The following CUX1 variants were observed in gnomAD, a reference collection of about 807,000 sequenced individuals.
The protein encoded by CUX1 is protein CASP.
In CUX1, 31 loss-of-function variants were observed where a neutral mutation model predicts 158.8. The ratio of observed to expected loss-of-function variants is 0.20; its 90% CI spans 0.15 to 0.26. The LOEUF (loss-of-function observed/expected upper bound fraction) is 0.26, where lower values mean the gene tolerates loss of function less well. Among genes scored for constraint, CUX1 ranks in the 10% least tolerant of loss-of-function variants. The probability of loss-of-function intolerance (pLI) is 1.00; values close to 1 mark genes in which losing one functional copy is unlikely to be tolerated. For missense variants in CUX1, 1,589 were observed against 2,014.6 expected (o/e 0.79, Z 4.04); for synonymous variants, 879 against 862.1 (o/e 1.02, Z -0.34).
intron 3 of CUX1, among the ~76,000 whole-genome samples, chr7:102,036,082 G>T (rs985250163): frequency 2.0e-5 from 3 of 151,954 alleles, no homozygotes; most frequent in Admixed American, 2.0e-4. Flanking sequence ...TATTACATTT[G>T]TGTAATCCCA....
At chr7:101,944,479 C>T (rs1038782995) in intron 2 of CUX1, among the ~76,000 whole-genome samples, 6 of 152,232 alleles carry the variant, frequency 3.9e-5, no homozygotes, top group Admixed American at 1.3e-4. Flanking sequence ...GCATGCTCCT[C>T]CGTGACTGTT....
At chr7:101,829,907 C>G (rs934313870) in intron 1 of CUX1, among the ~76,000 whole-genome samples, 1 of 152,166 alleles carries the variant, frequency 6.6e-6, no homozygotes, top group Non-Finnish European at 1.5e-5. Flanking sequence ...CTCAGATGCC[C>G]CATCCTTGCC....
intron 4 of CUX1, among the ~76,000 whole-genome samples, chr7:102,083,765 G>A (rs1827684576): frequency 6.8e-6 from 1 of 146,742 alleles, no homozygotes; most frequent in Non-Finnish European, 1.5e-5. Context: ...ATTTCTCTGA[G>A]CAGTATTTTA....
chr7:102,100,151 G>A (rs1049236625), intron 5 of CUX1, among the ~76,000 whole-genome samples: 4 of 152,078 alleles, frequency 2.6e-5, no homozygotes, highest in Admixed American at 6.6e-5. Context: ...GGTTGGGCAC[G>A]CCTGTAATCC....
intron 15 of CUX1, 40 bp downstream of exon 15, chr7:102,197,345 G>A (rs371095579): frequency 5.6e-5 from 89 of 1,592,016 alleles, no homozygotes; most frequent in African/African-American, 3.2e-4. Flanking sequence ...GTGCGAGCCC[G>A]TCACAGAGTT....
At chr7:102,279,215 C>A (rs1419212788) in intron 18 of CUX1, among the ~76,000 whole-genome samples, 1 of 152,108 alleles carries the variant, frequency 6.6e-6, no homozygotes, top group Non-Finnish European at 1.5e-5. Flanking sequence ...GTGTCATGCA[C>A]CTGTAATCCC....
At chr7:101,954,683 T>C (rs1809545621) in intron 2 of CUX1, among the ~76,000 whole-genome samples, 1 of 152,032 alleles carries the variant, frequency 6.6e-6, no homozygotes, top group Non-Finnish European at 1.5e-5. Context: ...CCATTGCCCA[T>C]GGTAGCGATG....
chr7:101,839,284 G>A (rs1794956625), intron 1 of CUX1, among the ~76,000 whole-genome samples: 1 of 152,156 alleles, frequency 6.6e-6, no homozygotes, highest in Non-Finnish European at 1.5e-5. Flanking sequence ...ACCCTCGGTG[G>A]TATCTGACCC....
intron 8 of CUX1, among the ~76,000 whole-genome samples, chr7:102,155,743 C>T (rs749049245): frequency 1.6e-4 from 24 of 152,004 alleles, no homozygotes; most frequent in Non-Finnish European, 1.0e-4. Flanking sequence ...TTTTTAATTA[C>T]CATTTGTAGT....
At chr7:102,046,934 T>C (rs1156559803) in intron 3 of CUX1, among the ~76,000 whole-genome samples, 1 of 152,156 alleles carries the variant, frequency 6.6e-6, no homozygotes, top group African/African-American at 2.4e-5. Flanking sequence ...GAGGCCACAC[T>C]GGGAGAGTCG....
chr7:101,993,015 T>C (rs1250549875), intron 2 of CUX1, among the ~76,000 whole-genome samples: 2 of 151,806 alleles, frequency 1.3e-5, no homozygotes, highest in Non-Finnish European at 2.9e-5. Flanking sequence ...GGCGGGAGGG[T>C]CCACTCTTTG....
At chr7:102,033,054 G>A (rs553763132) in intron 3 of CUX1, among the ~76,000 whole-genome samples, 2 of 152,298 alleles carry the variant, frequency 1.3e-5, no homozygotes, top group African/African-American at 2.4e-5. Flanking sequence ...TGGTAGTGGG[G>A]GACAAGTGTC....
At chr7:102,142,576 G>C (rs782793632) in intron 8 of CUX1, among the ~76,000 whole-genome samples, 1 of 151,764 alleles carries the variant, frequency 6.6e-6, no homozygotes, top group Non-Finnish European at 1.5e-5. Context: ...AGTGAGCCAT[G>C]ATAGTACCAC....
chr7:101,913,449 CTT>C, intron 1 of CUX1: 1 of 1,224,258 alleles, frequency 8.2e-7, no homozygotes, highest in South Asian at 1.3e-5. Context: ...GTGGGTTCAC[CTT>C]GCACCGGGCC....
At chr7:101,851,619 G>A (rs965777895) in intron 1 of CUX1, among the ~76,000 whole-genome samples, 2 of 152,148 alleles carry the variant, frequency 1.3e-5, no homozygotes, top group African/African-American at 2.4e-5. Flanking sequence ...TCTAGCATCC[G>A]TCAAGGGCGT....
rs191987760 is a variant in CUX1, at chr7:101,865,796, C to A, written c.30+48127C>A. ...ATGGTTTGTTGAGTGAAAGCAGGCA[C>A]AATGGTAGGTAGTGGGTACTGGAGC... On this transcript the variant is annotated intron_variant, in intron 1 of 23. Coordinates refer to ENST00000292535, the MANE Select transcript of CUX1 (RefSeq NM_181552.4). 7.2e-5 allele frequency among the ~76,000 whole-genome samples: 11 copies of A among 152,296 alleles called. No homozygotes were observed. In the East Asian group the frequency reaches 2.1e-3, roughly 30 times the overall value.
chr7:102,211,020 A>G (rs1796455852), intron 20 of CUX1, among the ~76,000 whole-genome samples: 1 of 152,220 alleles, frequency 6.6e-6, no homozygotes, highest in Non-Finnish European at 1.5e-5. Flanking sequence ...ATTCTAAAGC[A>G]GTGTCCTTGA....
intron 3 of CUX1, among the ~76,000 whole-genome samples, chr7:102,045,016 A>G (rs1018732742): frequency 6.6e-6 from 1 of 152,122 alleles, no homozygotes; most frequent in African/African-American, 2.4e-5. Context: ...CAGTGGTGTT[A>G]GCCGTGGTGG....
chr7:101,893,145 T>A lies in CUX1; in HGVS notation c.31-22970T>A, dbSNP rs1245337855. Among the ~76,000 whole-genome samples the A allele has an allele frequency of 5.5e-5, 8 of 146,744 alleles. No homozygotes were observed. In the East Asian group the frequency reaches 1.0e-3, roughly 19 times the overall value. ...CCTAATTTCTATTTTCTTTTTACTTTTTATTTTTATTACTTTTTTTTTTTT... is the reference window on the plus strand; with the variant it reads ...CCTAATTTCTATTTTCTTTTTACTTATTATTTTTATTACTTTTTTTTTTTT... On this transcript the variant is annotated intron_variant, in intron 1 of 23. Transcript: ENST00000292535.
Sources: gnomAD v4.1 joint callset for allele counts (sites outside exome capture counted in the v4.1 genomes callset) on GRCh38, gnomAD v4.1.1 for gene constraint, MANE v1.5 for transcripts, NCBI Gene and HGNC (gene_info 2026-07-23, HGNC 2026-07-21) for gene names.